TRIM2: variants seen among roughly 807,000 people sequenced by gnomAD.
The protein encoded by TRIM2 is tripartite motif-containing protein 2.
Under a neutral mutation model 75.2 loss-of-function variants are expected in TRIM2, and 20 were observed. The observed-to-expected ratio is 0.27, with a 90% CI of 0.19 to 0.39. The LOEUF (loss-of-function observed/expected upper bound fraction) is 0.39. Ranked by LOEUF, TRIM2 falls within the 10% of genes least tolerant of loss-of-function variation. The probability of loss-of-function intolerance (pLI) is 1.00; values close to 1 mark genes in which losing one functional copy is unlikely to be tolerated. For synonymous variants in TRIM2, 373 were observed against 388.3 expected (o/e 0.96, Z 0.46); for missense variants, 660 against 990.8 (o/e 0.67, Z 4.48).
At chr4:153,326,824 T>C (rs2149575527) in intron 10 of TRIM2, among the ~76,000 whole-genome samples, 1 of 151,660 alleles carries the variant, frequency 6.6e-6, no homozygotes, top group South Asian at 2.1e-4. Context: ...CCAGTAAAAA[T>C]ACAAAAATTA....
rs910823503 is a variant in TRIM2, at chr4:153,164,872, A to G, written c.-49+11602A>G. On this transcript the variant is annotated intron_variant, in intron 1 of 11. Transcript: ENST00000437508. ...TGTAAATATTGTCACTGCTGAGTCA[A>G]GTAGTTTACTATAGTTGTGTTTCCT... 2.6e-5 allele frequency among the ~76,000 whole-genome samples: 4 copies of G among 152,234 alleles called. No homozygotes were observed. In the South Asian group the frequency reaches 8.3e-4, roughly 32 times the overall value.
intron 1 of TRIM2, among the ~76,000 whole-genome samples, chr4:153,182,302 A>C (rs375650308): frequency 6.6e-6 from 1 of 152,178 alleles, no homozygotes; most frequent in South Asian, 2.1e-4. Context: ...TGGCAAGTGA[A>C]GAGACTGGGG....
At chr4:153,257,490 A>G in intron 1 of TRIM2, 1 of 1,275,016 alleles carries the variant, frequency 7.8e-7, no homozygotes, top group African/African-American at 1.5e-5. Flanking sequence ...ATTCCTGCCG[A>G]CTTCCAGCCT....
intron 1 of TRIM2, among the ~76,000 whole-genome samples, chr4:153,205,660 C>T (rs1479136107): frequency 2.6e-5 from 4 of 152,152 alleles, no homozygotes; most frequent in Non-Finnish European, 5.9e-5. Flanking sequence ...TTACATAAAG[C>T]TAGAGGTGAA....
chr4:153,153,434 T>C (rs1560770837), intron 1 of TRIM2, among the ~76,000 whole-genome samples: 1 of 149,426 alleles, frequency 6.7e-6, no homozygotes, highest in Non-Finnish European at 1.5e-5. Flanking sequence ...CTGGAGGTGG[T>C]GCGCGCTGGC....
At chr4:153,179,274 T>C (rs1031709307) in intron 1 of TRIM2, among the ~76,000 whole-genome samples, 18 of 149,662 alleles carry the variant, frequency 1.2e-4, no homozygotes, top group African/African-American at 4.4e-4. Flanking sequence ...ATAATAAAAT[T>C]AATTTATTAA....
intron 3 of TRIM2, among the ~76,000 whole-genome samples, chr4:153,277,575 T>A (rs968316240): frequency 6.6e-6 from 1 of 152,236 alleles, no homozygotes; most frequent in African/African-American, 2.4e-5. Flanking sequence ...ACACCGTATT[T>A]GGCTCCTTAA....
At position 153,315,619 on chromosome 4, in the gene TRIM2, C is replaced by T. The variant is rs779785968; in HGVS notation, c.1614+31C>T. On this transcript the variant is annotated intron_variant, in intron 7 of 11. Coordinates refer to ENST00000338700, the MANE Select transcript of TRIM2 (RefSeq NM_015271.5). Reference sequence around the variant, plus strand: ...GCCCCTAATTATATACCTTTAACTACTTATATTGATAAAAATATATATAGT... The same window carrying T: ...GCCCCTAATTATATACCTTTAACTATTTATATTGATAAAAATATATATAGT... 3.3e-6 allele frequency: 5 copies of T among 1,517,064 alleles called. No homozygotes were observed. In the Admixed American group the frequency reaches 6.0e-5, roughly 18 times the overall value. 94.0% of individuals were successfully genotyped at this position (1,517,064 alleles called of 1,614,324 possible).
At chr4:153,267,217 G>GTGCA (rs1050751443) in intron 1 of TRIM2, among the ~76,000 whole-genome samples, 44 of 152,126 alleles carry the variant, frequency 2.9e-4, no homozygotes, top group African/African-American at 8.7e-4. Flanking sequence ...AGCTTCTGTA[G>GTGCA]TGCAGCCTTT....
At chr4:153,334,382 CT>C (rs1161725031) in intron 11 of TRIM2, among the ~76,000 whole-genome samples, 403 of 137,286 alleles carry the variant, frequency 2.9e-3, no homozygotes, top group African/African-American at 7.4e-3. Flanking sequence ...TTTTGTTTTG[CT>C]TTTTTTTTTT....
chr4:153,338,480 G>C lies in TRIM2; in HGVS notation c.*3514G>C. On this transcript the variant is annotated 3_prime_UTR_variant, in exon 12 of 12. Coordinates refer to ENST00000338700, the MANE Select transcript of TRIM2 (RefSeq NM_015271.5). ...ACATTATCTAATTTAGCTTAAAAGT[G>C]AAAGTGGTAATACTGTTGGTTTCTG... 1 of 985,564 alleles carries C rather than the reference G, an allele frequency of 1.0e-6. No homozygotes were observed. The allele number at this position is 985,564 out of a possible 1,614,324, so 61.1% of individuals were successfully genotyped here.
intron 1 of TRIM2, among the ~76,000 whole-genome samples, chr4:153,244,437 T>TCTTCTTCTTCTTCTTCTTCTTCTTC (rs1206105496): frequency 1.3e-3 from 134 of 102,566 alleles, no homozygotes; most frequent in Non-Finnish European, 1.6e-3. Context: ...TTCTTCTTCT[T>TCTTCTTCTTCTTCTTCTTCTTCTTC]TTAATTAGAG....
intron 1 of TRIM2, among the ~76,000 whole-genome samples, chr4:153,184,972 G>A (rs1732446198): frequency 6.6e-6 from 1 of 152,060 alleles, no homozygotes; most frequent in Non-Finnish European, 1.5e-5. Context: ...TTTTCCCTGT[G>A]GGGAATGCCA....
chr4:153,256,709 T>C (rs559251794), intron 1 of TRIM2, among the ~76,000 whole-genome samples: 32 of 152,336 alleles, frequency 2.1e-4, no homozygotes, highest in South Asian at 1.4e-3. Context: ...AACTGAAAAC[T>C]TCATGATCAG....
chr4:153,288,089 T>C lies in TRIM2; in HGVS notation c.454-4893T>C, dbSNP rs540049938. 1.1e-4 allele frequency among the ~76,000 whole-genome samples: 17 copies of C among 152,272 alleles called. No homozygotes were observed. The East Asian group carries it at 3.3e-3, about 29-fold the overall frequency. On this transcript the variant is annotated intron_variant, in intron 3 of 11. Transcript: ENST00000338700. ...TTTATTTTTTTTTCAGCAGTTTGAA[T>C]ATATTACCCCATTGATTTCTGGCCT...
chr4:153,217,917 A>T (rs1005138117), intron 1 of TRIM2, among the ~76,000 whole-genome samples: 1 of 152,250 alleles, frequency 6.6e-6, no homozygotes, highest in South Asian at 2.1e-4. Context: ...TAATGATCAT[A>T]TGTAAAATGT....
intron 1 of TRIM2, among the ~76,000 whole-genome samples, chr4:153,153,528 T>C (rs1728928216): frequency 1.3e-5 from 2 of 152,154 alleles, no homozygotes; most frequent in Non-Finnish European, 2.9e-5. Context: ...CCCTATGCTT[T>C]GGGGATCCAC....
At chr4:153,318,089 T>C (rs1488514051) in intron 8 of TRIM2, among the ~76,000 whole-genome samples, 2 of 152,220 alleles carry the variant, frequency 1.3e-5, no homozygotes, top group African/African-American at 4.8e-5. Flanking sequence ...GTCCAAAAAA[T>C]GAAGTCTTGT....
intron 1 of TRIM2, among the ~76,000 whole-genome samples, chr4:153,180,658 G>A (rs1235172514): frequency 6.6e-6 from 1 of 152,098 alleles, no homozygotes; most frequent in Non-Finnish European, 1.5e-5. Context: ...TTGTATTTTG[G>A]GTAGAGAGGG....
Sources: gnomAD v4.1 joint callset for allele counts (sites outside exome capture counted in the v4.1 genomes callset) on GRCh38, gnomAD v4.1.1 for gene constraint, MANE v1.5 for transcripts, NCBI Gene and HGNC (gene_info 2026-07-23, HGNC 2026-07-21) for gene names.